Variants in KCNH1 observed in about 807,000 individuals in gnomAD.
KCNH1 encodes the protein voltage-gated delayed rectifier potassium channel KCNH1.
KCNH1 carries 27 observed loss-of-function variants against 69.2 expected under a neutral mutation model. The observed-to-expected ratio is 0.39, with a 90% CI of 0.29 to 0.54. The LOEUF (loss-of-function observed/expected upper bound fraction) is 0.54. Ranked by LOEUF, KCNH1 falls within the 20% of genes least tolerant of loss-of-function variation. The pLI is 0.68. For synonymous variants in KCNH1, 456 were observed against 487.7 expected (o/e 0.93, Z 0.86); for missense variants, 798 against 1,261.6 (o/e 0.63, Z 5.57).
intron 5 of KCNH1, among the ~76,000 whole-genome samples, chr1:211,057,983 A>G (rs970278575): frequency 1.3e-5 from 2 of 152,254 alleles, no homozygotes; most frequent in East Asian, 3.9e-4. Flanking sequence ...AAGAAACAAC[A>G]CACAAAAGAG....
At chr1:210,813,092 CAT>C (rs1684740843) in intron 7 of KCNH1, among the ~76,000 whole-genome samples, 1 of 152,178 alleles carries the variant, frequency 6.6e-6, no homozygotes, top group South Asian at 2.1e-4. Context: ...TGCGCTGGTA[CAT>C]AGAGACTCCT....
At chr1:210,984,282 T>C (rs575328723) in intron 6 of KCNH1, among the ~76,000 whole-genome samples, 2 of 152,138 alleles carry the variant, frequency 1.3e-5, no homozygotes, top group Non-Finnish European at 2.9e-5. Context: ...TCCTGCCTGA[T>C]TGCCCTGGCC....
chr1:211,097,679 T>C (rs527906837), intron 3 of KCNH1, among the ~76,000 whole-genome samples: 83 of 152,348 alleles, frequency 5.4e-4, no homozygotes, highest in African/African-American at 2.0e-3. Context: ...TATATCTCTG[T>C]GACCCACCGG....
intron 10 of KCNH1, among the ~76,000 whole-genome samples, chr1:210,696,114 C>A (rs1238822149): frequency 6.6e-6 from 1 of 152,192 alleles, no homozygotes; most frequent in Non-Finnish European, 1.5e-5. Flanking sequence ...CACAGCTCTC[C>A]CCATTCTCCG....
At chr1:211,100,635 G>C (rs1691240418) in intron 3 of KCNH1, among the ~76,000 whole-genome samples, 1 of 152,196 alleles carries the variant, frequency 6.6e-6, no homozygotes, top group Admixed American at 6.5e-5. Context: ...ACAGGCATGA[G>C]CCACTGCACC....
At chr1:210,870,035 G>A (rs908260698) in intron 7 of KCNH1, among the ~76,000 whole-genome samples, 1 of 152,104 alleles carries the variant, frequency 6.6e-6, no homozygotes, top group African/African-American at 2.4e-5. Flanking sequence ...TGCTCTTCTT[G>A]AGTGTGTATT....
intron 1 of KCNH1, among the ~76,000 whole-genome samples, chr1:211,118,261 G>C (rs751236173): frequency 6.6e-6 from 1 of 152,202 alleles, no homozygotes; most frequent in Non-Finnish European, 1.5e-5. Context: ...TCTTTTACAA[G>C]TAGAATATGT....
Position 210,890,373 on chromosome 1 carries a change from C to G in KCNH1, c.1462+29267G>C, listed in dbSNP as rs905409764. On this transcript the variant is annotated intron_variant, in intron 7 of 10. Coordinates refer to ENST00000271751, the MANE Select transcript of KCNH1 (RefSeq NM_172362.3). The stretch of plus-strand genomic sequence containing the variant: ...AAACTGAAACTGGACCCCTTCCTTA[C>G]ACTTTATACAAAAATTAATTCCAGA... 2.6e-5 allele frequency among the ~76,000 whole-genome samples: 4 copies of G among 152,288 alleles called. No homozygotes were observed. In the East Asian group the frequency reaches 7.7e-4, roughly 29 times the overall value.
At chr1:210,758,401 C>T (rs1282400911) in intron 10 of KCNH1, among the ~76,000 whole-genome samples, 2 of 152,154 alleles carry the variant, frequency 1.3e-5, no homozygotes, top group Non-Finnish European at 2.9e-5. Flanking sequence ...TCCCAGGCAG[C>T]AAGACTTGCA....
chr1:210,933,738 TAG>T (rs1371444639), intron 6 of KCNH1, among the ~76,000 whole-genome samples: 2 of 152,080 alleles, frequency 1.3e-5, no homozygotes, highest in Non-Finnish European at 2.9e-5. Context: ...AAAGGATCAT[TAG>T]AGACTATTAT....
At chr1:210,821,364 C>A (rs1463429214) in intron 7 of KCNH1, among the ~76,000 whole-genome samples, 1 of 152,226 alleles carries the variant, frequency 6.6e-6, no homozygotes, top group Non-Finnish European at 1.5e-5. Context: ...TTAAAATTCT[C>A]TGTAGAGAAT....
At chr1:211,024,287 G>A (rs1689642978) in intron 5 of KCNH1, among the ~76,000 whole-genome samples, 1 of 152,170 alleles carries the variant, frequency 6.6e-6, no homozygotes, top group South Asian at 2.1e-4. Flanking sequence ...GAGTAAGAGA[G>A]GGAAAGTGTT....
rs376381106 is a variant in KCNH1 at position 210,877,068 on chromosome 1, T to TTAA, written c.1462+42571_1462+42572insTTA. Among the ~76,000 whole-genome samples the TTAA allele has an allele frequency of 6.9e-5, 10 of 144,030 alleles. No homozygotes were observed. In the South Asian group the frequency reaches 1.1e-3, roughly 16 times the overall value. The allele number at this position is 144,030 out of a possible 152,430, so 94.5% of individuals were successfully genotyped here. On this transcript the variant is annotated intron_variant, in intron 7 of 10. Coordinates refer to ENST00000271751, the MANE Select transcript of KCNH1 (RefSeq NM_172362.3). ...TTAGGATGACTTTAATCCTCTGAAT[T>TTAA]AAAAAAAAAAAAAAAGTCACCACAA...
chr1:211,029,386 G>T (rs1332844036), intron 5 of KCNH1, among the ~76,000 whole-genome samples: 2 of 120,906 alleles, frequency 1.7e-5, no homozygotes, highest in African/African-American at 6.4e-5. Context: ...AGAGTGCAAG[G>T]CTGGCTCAAT....
chr1:210,698,535 A>G (rs1303442160), intron 10 of KCNH1, among the ~76,000 whole-genome samples: 1 of 152,246 alleles, frequency 6.6e-6, no homozygotes, highest in Admixed American at 6.5e-5. Flanking sequence ...AGAAACAGCA[A>G]GAGAAAGGGC....
chr1:210,946,041 T>C (rs964100948), intron 6 of KCNH1, among the ~76,000 whole-genome samples: 3 of 152,240 alleles, frequency 2.0e-5, no homozygotes, highest in Non-Finnish European at 4.4e-5. Flanking sequence ...TAGCAGGCTG[T>C]CAATAAAAAT....
At chr1:210,881,120 C>G (rs376162657) in intron 7 of KCNH1, among the ~76,000 whole-genome samples, 4 of 151,680 alleles carry the variant, frequency 2.6e-5, no homozygotes, top group Admixed American at 6.6e-5. Flanking sequence ...CAGGTTCAAG[C>G]GATTCTCGTG....
At chr1:210,841,620 G>T (rs1459403996) in intron 7 of KCNH1, among the ~76,000 whole-genome samples, 1 of 152,126 alleles carries the variant, frequency 6.6e-6, no homozygotes, top group East Asian at 1.9e-4. Context: ...AAAAGTAACA[G>T]GCCCATGCAG....
intron 7 of KCNH1, among the ~76,000 whole-genome samples, chr1:210,871,559 C>T (rs1200240695): frequency 6.6e-6 from 1 of 152,136 alleles, no homozygotes; most frequent in Non-Finnish European, 1.5e-5. Context: ...TGGGTATATA[C>T]ACAAAGGACT....
Sources: gnomAD v4.1 joint callset for allele counts (sites outside exome capture counted in the v4.1 genomes callset) on GRCh38, gnomAD v4.1.1 for gene constraint, MANE v1.5 for transcripts, NCBI Gene and HGNC (gene_info 2026-07-23, HGNC 2026-07-21) for gene names.